The following GLG1 variants were observed in gnomAD, a reference collection of about 807,000 sequenced individuals.
GLG1 encodes the protein Golgi apparatus protein 1.
Under a neutral mutation model 160.5 loss-of-function variants are expected in GLG1, and 38 were observed. That is an observed-to-expected ratio of 0.24 (90% CI 0.18 to 0.31). The LOEUF (loss-of-function observed/expected upper bound fraction) is 0.31. Ranked by LOEUF, GLG1 falls within the 10% of genes least tolerant of loss-of-function variation. GLG1 has a pLI of 1.00. For missense variants in GLG1, 1,373 were observed against 1,505.2 expected (o/e 0.91, Z 1.45); for synonymous variants, 644 against 543.4 (o/e 1.19, Z -2.57).
chr16:74,498,448 G>GTGTGTATATATATATATATATATATA (rs1491436581), intron 4 of GLG1, among the ~76,000 whole-genome samples: 2 of 24,038 alleles, frequency 8.3e-5, no homozygotes, highest in Non-Finnish European at 1.5e-4. Flanking sequence ...AAAAAAAAAA[G>GTGTGTATATATATATATATATATATA]TATATATATA....
chr16:74,580,583 A>G (rs1957916649), intron 1 of GLG1, among the ~76,000 whole-genome samples: 1 of 152,200 alleles, frequency 6.6e-6, no homozygotes, highest in African/African-American at 2.4e-5. Flanking sequence ...CTGTGAAGCA[A>G]GCATAGGAGA....
At chr16:74,473,835 T>G (rs1444471898) in intron 13 of GLG1, among the ~76,000 whole-genome samples, 2 of 152,172 alleles carry the variant, frequency 1.3e-5, no homozygotes, top group Non-Finnish European at 2.9e-5. Context: ...AGTCCTCAGC[T>G]TTTATGTTCT....
chr16:74,459,972 C>A (rs1363497157), intron 22 of GLG1, among the ~76,000 whole-genome samples, 183 bp from the exon 23 acceptor site: 1 of 151,982 alleles, frequency 6.6e-6, no homozygotes, highest in Non-Finnish European at 1.5e-5. Flanking sequence ...TCTCCTGCCT[C>A]AGCCTCTTGA....
At chr16:74,595,603 C>T (rs1013182423) in intron 1 of GLG1, among the ~76,000 whole-genome samples, 2 of 152,204 alleles carry the variant, frequency 1.3e-5, no homozygotes, top group Non-Finnish European at 2.9e-5. Flanking sequence ...TGTACGCCTA[C>T]AGCATTTAAT....
intron 1 of GLG1, among the ~76,000 whole-genome samples, chr16:74,543,478 TA>T (rs1398088384): frequency 6.6e-6 from 1 of 151,492 alleles, no homozygotes; most frequent in Admixed American, 6.6e-5. Flanking sequence ...AACTTACCTC[TA>T]AAAAAACAGA....
At chr16:74,559,039 T>C (rs1452253424) in intron 1 of GLG1, among the ~76,000 whole-genome samples, 1 of 152,050 alleles carries the variant, frequency 6.6e-6, no homozygotes, top group East Asian at 1.9e-4. Flanking sequence ...TGTATCCCAC[T>C]ATGTGTGACT....
chr16:74,453,994 CAT>C (rs565558514), intron 25 of GLG1, among the ~76,000 whole-genome samples: 436 of 151,630 alleles, frequency 2.9e-3, no homozygotes, highest in African/African-American at 0.01. Context: ...CCCTCACCCA[CAT>C]GAGTAGCTGG....
chr16:74,469,952 G>C (rs376417786), intron 16 of GLG1, 33 bp downstream of exon 16: 35 of 1,326,918 alleles, frequency 2.6e-5, no homozygotes, highest in Admixed American at 1.5e-4. Context: ...GGAACTTCGG[G>C]AAAGTGGAAT....
rs1215483085 is a variant in GLG1, at chr16:74,453,137, T to C, written c.*30A>G. The C allele has an allele frequency of 1.2e-6, 2 of 1,609,636 alleles. No individual in the cohort carries two copies. Among genetic ancestry groups the C allele is most frequent in the East Asian group, 2.2e-5 (1 of 44,850 alleles). ...AGGGCTGTACAAACTGGGCACTGGA[T>C]AGGTAGTTCCTTTGGTGGTCAAGGT... On this transcript the variant is annotated 3_prime_UTR_variant, in exon 26 of 26. Transcript: ENST00000422840.
At chr16:74,573,707 A>G (rs1465609605) in intron 1 of GLG1, among the ~76,000 whole-genome samples, 1 of 149,114 alleles carries the variant, frequency 6.7e-6, no homozygotes, top group Non-Finnish European at 1.5e-5. Context: ...CTGGCTAATT[A>G]GCCCTCCTGG....
intron 1 of GLG1, among the ~76,000 whole-genome samples, chr16:74,542,531 C>CA (rs2017901700): frequency 6.6e-6 from 1 of 151,388 alleles, no homozygotes; most frequent in Non-Finnish European, 1.5e-5. Flanking sequence ...ATTAGCTGGG[C>CA]ATGGTAGCAG....
chr16:74,600,753 A>AC (rs1958424198), intron 1 of GLG1, among the ~76,000 whole-genome samples: 2 of 137,982 alleles, frequency 1.4e-5, no homozygotes, highest in South Asian at 2.4e-4. Context: ...AAAAAAAAAA[A>AC]ACAAAAAAAA....
chr16:74,538,966 G>C (rs1300471343), intron 1 of GLG1, among the ~76,000 whole-genome samples: 1 of 151,982 alleles, frequency 6.6e-6, no homozygotes, highest in Non-Finnish European at 1.5e-5. Flanking sequence ...TTGTGGTTTG[G>C]TTAAGGATGC....
intron 1 of GLG1, among the ~76,000 whole-genome samples, chr16:74,596,753 C>T (rs1048234227): frequency 6.6e-6 from 1 of 152,160 alleles, no homozygotes; most frequent in African/African-American, 2.4e-5. Flanking sequence ...GACTTGTTTT[C>T]AAATCTTGAT....
chr16:74,531,960 G>A (rs1400098204), intron 2 of GLG1, among the ~76,000 whole-genome samples, 161 bp downstream of exon 2: 1 of 152,076 alleles, frequency 6.6e-6, no homozygotes, highest in African/African-American at 2.4e-5. Context: ...ACAATGAAGG[G>A]TTATTTGTTG....
chr16:74,512,899 TC>T (rs2143514440), intron 2 of GLG1, among the ~76,000 whole-genome samples: 1 of 152,288 alleles, frequency 6.6e-6, no homozygotes, highest in South Asian at 2.1e-4. Context: ...AGTCCAGTCA[TC>T]CTGGGCTTGA....
chr16:74,569,224 A>T (rs2018748710), intron 1 of GLG1, among the ~76,000 whole-genome samples: 1 of 152,238 alleles, frequency 6.6e-6, no homozygotes, highest in Admixed American at 6.5e-5. Context: ...AAAACCTCGA[A>T]CTGTGAGAAT....
At chr16:74,508,947 A>C (rs1039833773) in intron 2 of GLG1, 22 bp from the exon 3 acceptor site, 16 of 924,118 alleles carry the variant, frequency 1.7e-5, no homozygotes, top group Non-Finnish European at 2.6e-5. Flanking sequence ...AGGAAAAAAA[A>C]AAACAAAGAA....
chr16:74,549,529 G>A (rs1183599142), intron 1 of GLG1, among the ~76,000 whole-genome samples: 5 of 152,192 alleles, frequency 3.3e-5, no homozygotes, highest in South Asian at 2.1e-4. Flanking sequence ...CTCGTGATCC[G>A]CCCGCCTCAG....
Sources: allele counts gnomAD v4.1 joint callset (sites outside exome capture counted in the v4.1 genomes callset), GRCh38; gene constraint gnomAD v4.1.1; transcripts MANE v1.5; gene names NCBI Gene and HGNC (gene_info 2026-07-23, HGNC 2026-07-21).